The following KCNMA1 variants were observed in gnomAD, a reference collection of about 807,000 sequenced individuals.
KCNMA1 encodes Calcium-activated potassium channel subunit alpha-1.
In KCNMA1, 29 loss-of-function variants were observed where a neutral mutation model predicts 140.0. That is an observed-to-expected ratio of 0.21 (90% CI 0.15 to 0.28). The LOEUF (loss-of-function observed/expected upper bound fraction) is 0.28. KCNMA1 is among the 10% of genes least tolerant of loss of function. The pLI, the probability that KCNMA1 is intolerant of heterozygous loss-of-function variation, is 1.00. For synonymous variants in KCNMA1, 612 were observed against 611.9 expected, an observed-to-expected ratio of 1.00 and a Z score of 0.00; for missense variants, 880 against 1,602.2, an observed-to-expected ratio of 0.55 and a Z score of 7.70.
intron 14 of KCNMA1, chr10:77,063,754 G>A (rs2095842253): frequency 2.0e-6 from 2 of 985,264 alleles, no homozygotes; most frequent in South Asian, 9.4e-5. Flanking sequence ...ACAGTGGATG[G>A]CACTCAAAAA....
chr10:76,957,301 C>T (rs190690150), intron 20 of KCNMA1, among the ~76,000 whole-genome samples: 19 of 152,008 alleles, frequency 1.2e-4, no homozygotes, highest in South Asian at 6.2e-4. Flanking sequence ...GCTGAAGATG[C>T]CCCATACCAT....
rs1402179627 is a variant in KCNMA1, at chr10:77,273,845, A to C, written c.541-22589T>G. On this transcript the variant is annotated intron_variant, in intron 2 of 27. Transcript: ENST00000286628. The stretch of plus-strand genomic sequence containing the variant: ...CACCATTCCCAGCACAGGGGCTATC[A>C]CAGAGAACACATGACAAAGACCCCT... Among the ~76,000 whole-genome samples the C allele has an allele frequency of 3.3e-5, 5 of 152,258 alleles. No individual in the cohort carries two copies. In the East Asian group the frequency reaches 9.6e-4, roughly 29 times the overall value.
At chr10:76,935,247 G>C (rs1011437529) in intron 23 of KCNMA1, among the ~76,000 whole-genome samples, 14 of 152,238 alleles carry the variant, frequency 9.2e-5, no homozygotes, top group African/African-American at 3.4e-4. Flanking sequence ...CCCCTTAGGT[G>C]CAAGGACCAG....
chr10:77,073,669 C>G (rs1174723254), intron 13 of KCNMA1, among the ~76,000 whole-genome samples: 1 of 152,118 alleles, frequency 6.6e-6, no homozygotes, highest in Non-Finnish European at 1.5e-5. Context: ...TCAGTGACTC[C>G]CAGGCATCAG....
chr10:77,277,080 T>C (rs1054760711), intron 2 of KCNMA1, among the ~76,000 whole-genome samples: 4 of 152,136 alleles, frequency 2.6e-5, no homozygotes, highest in Non-Finnish European at 4.4e-5. Context: ...CTCTTCATTG[T>C]CTCTGCCCTG....
chr10:76,976,601 T>C (rs1484661720), intron 19 of KCNMA1, among the ~76,000 whole-genome samples: 1 of 152,088 alleles, frequency 6.6e-6, no homozygotes, highest in African/African-American at 2.4e-5. Flanking sequence ...CAAACTATGT[T>C]CTGTATGCAT....
Position 77,225,453 on chromosome 10 carries a change from C to A in KCNMA1, c.602+25742G>T, listed in dbSNP as rs549273218. Among the ~76,000 whole-genome samples, 432 of 152,296 alleles carry A rather than the reference C, an allele frequency of 2.8e-3. 1 individual carries two copies. The highest frequency in any genetic ancestry group is 0.017 in the Middle Eastern group (5 of 294). ...GGGACTCCCCCTGGCCAGGAAAAAA[C>A]AGAAGCTCTAAACAGACCCTGCTTC... On this transcript the variant is annotated intron_variant, in intron 3 of 27. Transcript: ENST00000286628.
chr10:77,121,332 C>T (rs1214584282), intron 5 of KCNMA1, among the ~76,000 whole-genome samples: 1 of 152,150 alleles, frequency 6.6e-6, no homozygotes, highest in Non-Finnish European at 1.5e-5. Flanking sequence ...ATTTGGTGAT[C>T]TCTGATTGAA....
At chr10:77,071,923 C>A (rs756973498) in intron 14 of KCNMA1, among the ~76,000 whole-genome samples, 10 of 152,142 alleles carry the variant, frequency 6.6e-5, no homozygotes, top group Non-Finnish European at 1.0e-4. Flanking sequence ...TCATAGGTGC[C>A]CAAGGTGAGC....
intron 2 of KCNMA1, among the ~76,000 whole-genome samples, chr10:77,263,695 T>C (rs546519177): frequency 2.5e-4 from 38 of 152,072 alleles, no homozygotes; most frequent in South Asian, 8.3e-4. Flanking sequence ...GTCAAGGGAG[T>C]TGGCCAAAAT....
intron 1 of KCNMA1, among the ~76,000 whole-genome samples, chr10:77,413,555 T>A (rs140713453): frequency 1.3e-5 from 2 of 152,260 alleles, no homozygotes; most frequent in African/African-American, 4.8e-5. Context: ...GCAAGAGTTC[T>A]GCAAAGGGAA....
intron 2 of KCNMA1, among the ~76,000 whole-genome samples, chr10:77,339,014 A>T (rs682126): frequency 6.6e-5 from 10 of 152,054 alleles, no homozygotes; most frequent in African/African-American, 4.8e-5. Flanking sequence ...TCCTCCAGGA[A>T]GGCAGACATT....
chr10:76,919,404 GT>G (rs2054371809), intron 23 of KCNMA1, among the ~76,000 whole-genome samples: 2 of 152,180 alleles, frequency 1.3e-5, no homozygotes, highest in Admixed American at 1.3e-4. Flanking sequence ...TCAGTGGCTG[GT>G]GTGGCAGGTT....
intron 1 of KCNMA1, among the ~76,000 whole-genome samples, chr10:77,576,493 A>G (rs1418828920): frequency 6.6e-6 from 1 of 151,934 alleles, no homozygotes; most frequent in Non-Finnish European, 1.5e-5. Context: ...GGCCTCTCCC[A>G]GCACTTGATG....
At chr10:76,967,083 C>G (rs2074245422) in intron 20 of KCNMA1, among the ~76,000 whole-genome samples, 1 of 152,180 alleles carries the variant, frequency 6.6e-6, no homozygotes, top group Non-Finnish European at 1.5e-5. Flanking sequence ...AAGGAGCCTT[C>G]ACGCAGGAGT....
At chr10:77,254,880 T>C (rs1246877115) in intron 2 of KCNMA1, among the ~76,000 whole-genome samples, 1 of 152,132 alleles carries the variant, frequency 6.6e-6, no homozygotes, top group Non-Finnish European at 1.5e-5. Flanking sequence ...AAGCAAAGCA[T>C]CCCTGCCCTA....
At chr10:76,880,981 G>A (rs1213932954), downstream of KCNMA1, among the ~76,000 whole-genome samples, 2 of 152,180 alleles carry the variant, frequency 1.3e-5, no homozygotes, top group African/African-American at 2.4e-5. Context: ...AGTGCTCTGA[G>A]TACAATGTGT....
chr10:77,402,594 T>A (rs2096308043), intron 2 of KCNMA1, among the ~76,000 whole-genome samples: 1 of 152,184 alleles, frequency 6.6e-6, no homozygotes, highest in Non-Finnish European at 1.5e-5. Context: ...ACGTTCATTC[T>A]CTCACTCCTT....
chr10:76,969,240 G>A (rs1369278616), intron 20 of KCNMA1, among the ~76,000 whole-genome samples: 1 of 130,170 alleles, frequency 7.7e-6, no homozygotes, highest in Non-Finnish European at 1.7e-5. Flanking sequence ...AGAAGTGAGG[G>A]AGAAAGAGAG....
Sources: allele counts gnomAD v4.1 joint callset (sites outside exome capture counted in the v4.1 genomes callset), GRCh38; gene constraint gnomAD v4.1.1; transcripts MANE v1.5; gene names NCBI Gene and HGNC (gene_info 2026-07-23, HGNC 2026-07-21).